The following GPC6 variants were observed in gnomAD, a reference collection of about 807,000 sequenced individuals.
The protein encoded by GPC6 is glypican 6.
GPC6 carries 14 observed loss-of-function variants against 55.2 expected under a neutral mutation model. That is an observed-to-expected ratio of 0.25 (90% CI 0.17 to 0.40). The LOEUF (loss-of-function observed/expected upper bound fraction) is 0.40, where lower values mean the gene tolerates loss of function less well. Ranked by LOEUF, GPC6 falls within the 10% of genes least tolerant of loss-of-function variation. The pLI is 1.00. For synonymous variants in GPC6, 278 were observed against 259.6 expected, an observed-to-expected ratio of 1.07 and a Z score of -0.68; for missense variants, 641 against 708.5, an observed-to-expected ratio of 0.90 and a Z score of 1.08.
chr13:93,267,228 C>T (rs1412684158), intron 1 of GPC6, among the ~76,000 whole-genome samples: 3 of 152,048 alleles, frequency 2.0e-5, no homozygotes, highest in Non-Finnish European at 2.9e-5. Context: ...CAACCTATTT[C>T]ATTTAAGGAT....
intron 4 of GPC6, among the ~76,000 whole-genome samples, chr13:94,043,112 A>G (rs919535292): frequency 6.6e-6 from 1 of 151,716 alleles, no homozygotes; most frequent in East Asian, 1.9e-4. Context: ...TCTCATTTTT[A>G]CCATTACAAG....
chr13:93,897,340 A>AT (rs548986848), intron 3 of GPC6, among the ~76,000 whole-genome samples: 60 of 151,986 alleles, frequency 3.9e-4, no homozygotes, highest in Non-Finnish European at 5.9e-4. Flanking sequence ...TGTGTGTCAA[A>AT]TTTTTTTTAA....
chr13:93,347,080 T>C (rs1235360381), intron 1 of GPC6, among the ~76,000 whole-genome samples: 2 of 152,178 alleles, frequency 1.3e-5, no homozygotes, highest in Non-Finnish European at 2.9e-5. Context: ...TAGTCATTTA[T>C]TGATGTTCTT....
chr13:93,975,847 A>G (rs1880493007), intron 3 of GPC6, among the ~76,000 whole-genome samples: 1 of 152,174 alleles, frequency 6.6e-6, no homozygotes, highest in African/African-American at 2.4e-5. Context: ...TAATATAAAT[A>G]TGGCCAGCTT....
At chr13:93,385,285 G>A (rs1875349590) in intron 1 of GPC6, among the ~76,000 whole-genome samples, 1 of 152,208 alleles carries the variant, frequency 6.6e-6, no homozygotes, top group African/African-American at 2.4e-5. Context: ...GGGGAAGGAG[G>A]GAAAGGAGAT....
chr13:93,375,013 T>C (rs148615539), intron 1 of GPC6, among the ~76,000 whole-genome samples: 3 of 152,336 alleles, frequency 2.0e-5, no homozygotes, highest in Non-Finnish European at 4.4e-5. Context: ...TAGTCATTGA[T>C]AAGCAGTCAG....
At chr13:94,182,461 G>A (rs1291072710) in intron 4 of GPC6, among the ~76,000 whole-genome samples, 4 of 152,138 alleles carry the variant, frequency 2.6e-5, no homozygotes, top group Non-Finnish European at 5.9e-5. Context: ...TCTGTAAGGA[G>A]AACACTTTAT....
intron 2 of GPC6, among the ~76,000 whole-genome samples, chr13:93,662,404 C>G (rs1449532908): frequency 2.0e-5 from 3 of 151,866 alleles, no homozygotes; most frequent in Non-Finnish European, 4.4e-5. Context: ...CCGAGGTGGG[C>G]AGATCACCTG....
intron 2 of GPC6, among the ~76,000 whole-genome samples, chr13:93,820,633 A>G (rs1247891900): frequency 6.6e-6 from 1 of 151,520 alleles, no homozygotes; most frequent in Non-Finnish European, 1.5e-5. Context: ...AGGAAATTGT[A>G]ATAACAATAG....
intron 3 of GPC6, among the ~76,000 whole-genome samples, chr13:93,846,052 G>T (rs1026972589): frequency 6.6e-6 from 1 of 152,100 alleles, no homozygotes; most frequent in African/African-American, 2.4e-5. Context: ...TACTATTTCT[G>T]ATGTTAGGAC....
At chr13:93,538,332 T>C (rs1387309405) in intron 1 of GPC6, among the ~76,000 whole-genome samples, 1 of 152,154 alleles carries the variant, frequency 6.6e-6, no homozygotes, top group Non-Finnish European at 1.5e-5. Flanking sequence ...TTCAGTGCAC[T>C]ATTAGATTGT....
intron 1 of GPC6, chr13:93,450,655 G>A: frequency 1.6e-6 from 1 of 624,134 alleles, no homozygotes; most frequent in Non-Finnish European, 2.0e-6. Context: ...TTTCCCTGAA[G>A]AATGCGTACT....
intron 1 of GPC6, among the ~76,000 whole-genome samples, chr13:93,273,108 T>C (rs1409214063): frequency 1.3e-5 from 2 of 152,196 alleles, no homozygotes; most frequent in East Asian, 3.9e-4. Flanking sequence ...ATACACTGTA[T>C]GCTAGAAAGG....
chr13:93,545,812 G>A (rs181256219), intron 2 of GPC6, among the ~76,000 whole-genome samples: 1 of 152,254 alleles, frequency 6.6e-6, no homozygotes, highest in East Asian at 1.9e-4. Flanking sequence ...CATCACATTT[G>A]AAGAGGAAAG....
intron 3 of GPC6, among the ~76,000 whole-genome samples, chr13:93,869,598 C>T (rs1889067665): frequency 1.3e-5 from 2 of 151,930 alleles, no homozygotes; most frequent in African/African-American, 2.4e-5. Context: ...GCAGTCACTT[C>T]AGAATCCATG....
At chr13:93,732,278 T>C (rs1324113827) in intron 2 of GPC6, among the ~76,000 whole-genome samples, 2 of 152,116 alleles carry the variant, frequency 1.3e-5, no homozygotes, top group East Asian at 1.9e-4. Context: ...AGACATTTTG[T>C]GCATCAGCAA....
At chr13:94,237,691 T>C (rs1890921564) in intron 4 of GPC6, among the ~76,000 whole-genome samples, 1 of 151,902 alleles carries the variant, frequency 6.6e-6, no homozygotes, top group Admixed American at 6.6e-5. Context: ...GCTGGTGTAG[T>C]GAACTAGAGT....
At chr13:93,504,370 A>G (rs1880628875) in intron 1 of GPC6, among the ~76,000 whole-genome samples, 1 of 152,082 alleles carries the variant, frequency 6.6e-6, no homozygotes, top group Admixed American at 6.6e-5. Context: ...CTAAACATAT[A>G]TAATATATGA....
chr13:94,306,217 A>G, intron 6 of GPC6, 94 bp downstream of exon 6: 1 of 1,302,682 alleles, frequency 7.7e-7, no homozygotes, highest in Non-Finnish European at 1.1e-6. Flanking sequence ...AGTTTGTTAT[A>G]AGAGTCATCT....
Sources: allele counts gnomAD v4.1 joint callset (sites outside exome capture counted in the v4.1 genomes callset), GRCh38; gene constraint gnomAD v4.1.1; transcripts MANE v1.5; gene names NCBI Gene and HGNC (gene_info 2026-07-23, HGNC 2026-07-21).